Variants in DCC observed in about 807,000 individuals in gnomAD.
DCC encodes netrin receptor DCC.
A neutral mutation model predicts 172.5 loss-of-function variants in DCC; 58 were observed. That is an observed-to-expected ratio of 0.34 (90% CI 0.27 to 0.42). The LOEUF is 0.42. Among genes scored for constraint, DCC ranks in the 10% least tolerant of loss-of-function variants. The probability of loss-of-function intolerance (pLI) is 1.00; values close to 1 mark genes in which losing one functional copy is unlikely to be tolerated. For synonymous variants in DCC, 709 were observed against 644.5 expected (o/e 1.10, Z -1.52); for missense variants, 1,740 against 1,791.0 (o/e 0.97, Z 0.51).
intron 26 of DCC, among the ~76,000 whole-genome samples, chr18:53,494,807 G>C (rs1371396597): frequency 1.3e-5 from 2 of 152,102 alleles, no homozygotes; most frequent in African/African-American, 4.8e-5. Context: ...TTGCACTTAA[G>C]GTTAATATTG....
intron 12 of DCC, among the ~76,000 whole-genome samples, chr18:53,271,503 A>G (rs2056748865): frequency 1.3e-5 from 2 of 152,130 alleles, no homozygotes; most frequent in Admixed American, 6.6e-5. Context: ...TGACTGGGGA[A>G]GGTCTGCTTC....
intron 5 of DCC, among the ~76,000 whole-genome samples, chr18:52,961,847 A>T (rs1568213223): frequency 6.6e-6 from 1 of 152,166 alleles, no homozygotes; most frequent in African/African-American, 2.4e-5. Flanking sequence ...GAGAAAAACA[A>T]GCAATGGGGA....
chr18:53,499,409 G>T lies in DCC; in HGVS notation c.4010G>T (p.Arg1337Leu). ...PSRTIPTACV[R>L]PTHPLRSFAN... ...AGAACCATCCCCACAGCTTGTGTTC[G>T]ACCAACTCACCCACTCCGCAGCTTT... Residue 1337 changes from arginine (R) to leucine (L), a missense_variant, in exon 27 of 29, where the codon CGA (arginine) becomes CTA (leucine). Physicochemically the swap from Arg to Leu is moderately radical, Grantham distance 102 (BLOSUM62 -2). Coordinates refer to ENST00000442544, the MANE Select transcript of DCC (RefSeq NM_005215.4). 6.2e-7 allele frequency: 1 copy of T among 1,614,006 alleles called. No homozygotes were observed. Among genetic ancestry groups the T allele is most frequent in the African/African-American group, 1.3e-5 (1 of 74,994 alleles).
intron 9 of DCC, among the ~76,000 whole-genome samples, chr18:53,190,845 C>T (rs1401457226): frequency 6.6e-6 from 1 of 152,082 alleles, no homozygotes; most frequent in Non-Finnish European, 1.5e-5. Context: ...ACTGGGGAGG[C>T]CAAGGCAGGA....
chr18:52,673,832 T>A (rs1260696224), intron 1 of DCC, among the ~76,000 whole-genome samples: 2 of 152,194 alleles, frequency 1.3e-5, no homozygotes, highest in African/African-American at 4.8e-5. Flanking sequence ...TCTTCTACCT[T>A]AGGGTTACTC....
At chr18:53,512,201 A>G (rs1222424278) in intron 27 of DCC, among the ~76,000 whole-genome samples, 1 of 152,000 alleles carries the variant, frequency 6.6e-6, no homozygotes, top group Non-Finnish European at 1.5e-5. Context: ...GCAGGAGCAC[A>G]CTGACACCTC....
intron 5 of DCC, among the ~76,000 whole-genome samples, chr18:53,059,553 A>C (rs2042464486): frequency 6.6e-6 from 1 of 152,114 alleles, no homozygotes; most frequent in Admixed American, 6.6e-5. Context: ...ATGTTATGTA[A>C]GTATTTTAAT....
intron 2 of DCC, among the ~76,000 whole-genome samples, chr18:52,789,134 C>A (rs940331858): frequency 6.6e-6 from 1 of 152,088 alleles, no homozygotes. Context: ...TATCATGATG[C>A]GAGGTAATTT....
intron 1 of DCC, among the ~76,000 whole-genome samples, chr18:52,531,050 C>T (rs1370608505): frequency 6.6e-6 from 1 of 152,164 alleles, no homozygotes; most frequent in Non-Finnish European, 1.5e-5. Flanking sequence ...CTGCACAGTT[C>T]CTGTTAATTT....
chr18:53,094,093 C>T (rs1414742278), intron 7 of DCC, among the ~76,000 whole-genome samples: 1 of 152,154 alleles, frequency 6.6e-6, no homozygotes, highest in Admixed American at 6.6e-5. Context: ...ATTATGATTT[C>T]CTTATTAACC....
intron 5 of DCC, among the ~76,000 whole-genome samples, chr18:53,036,408 G>A (rs2042092818): frequency 6.6e-6 from 1 of 151,988 alleles, no homozygotes; most frequent in Non-Finnish European, 1.5e-5. Context: ...GAACCAACAA[G>A]TGAAGGAATA....
In DCC at chr18:53,328,628, G is replaced by A. The variant is rs556443927; in HGVS notation, c.2164+6471G>A. On this transcript the variant is annotated intron_variant, in intron 14 of 28. Coordinates refer to ENST00000442544, the MANE Select transcript of DCC (RefSeq NM_005215.4). ...CGGCTCACTGCAACTTTCACCTCTC[G>A]GGTTCAAGTGATTCTCCTGCCTCAG... 5.3e-5 allele frequency among the ~76,000 whole-genome samples: 8 copies of A among 151,614 alleles called. No homozygotes were observed. In the East Asian group the frequency reaches 7.8e-4, roughly 15 times the overall value.
intron 1 of DCC, among the ~76,000 whole-genome samples, chr18:52,729,733 T>A (rs949608961): frequency 6.6e-6 from 1 of 152,236 alleles, no homozygotes; most frequent in African/African-American, 2.4e-5. Context: ...AATGGAGAGC[T>A]GTGGCCCACA....
At chr18:53,248,840 A>G (rs1283326116) in intron 12 of DCC, among the ~76,000 whole-genome samples, 1 of 152,082 alleles carries the variant, frequency 6.6e-6, no homozygotes, top group African/African-American at 2.4e-5. Context: ...TCTCGTCAGT[A>G]CATAAACACA....
intron 1 of DCC, among the ~76,000 whole-genome samples, chr18:52,659,865 A>G (rs1245914515): frequency 2.0e-5 from 3 of 152,022 alleles, no homozygotes; most frequent in African/African-American, 7.3e-5. Flanking sequence ...CAGACGAGGG[A>G]ATGCTGATGT....
chr18:52,415,127 AT>A, intron 1 of DCC, among the ~76,000 whole-genome samples: 1 of 152,174 alleles, frequency 6.6e-6, no homozygotes, highest in South Asian at 2.1e-4. Flanking sequence ...TAAAAATGAC[AT>A]TTTTTATACC....
intron 1 of DCC, among the ~76,000 whole-genome samples, chr18:52,525,530 A>G (rs1043929453): frequency 6.6e-6 from 1 of 152,234 alleles, no homozygotes; most frequent in Non-Finnish European, 1.5e-5. Context: ...TTGAACTGCA[A>G]TGGTTGGGAT....
intron 1 of DCC, among the ~76,000 whole-genome samples, chr18:52,502,416 A>T (rs888097087): frequency 1.3e-5 from 2 of 152,172 alleles, no homozygotes; most frequent in Admixed American, 1.3e-4. Context: ...GCATCTTCAA[A>T]TATCTTTGAT....
At chr18:53,220,164 G>T (rs1212185733) in intron 12 of DCC, among the ~76,000 whole-genome samples, 1 of 152,128 alleles carries the variant, frequency 6.6e-6, no homozygotes, top group Admixed American at 6.6e-5. Context: ...ATATTAAATT[G>T]CAGATCCTCT....
Sources: allele counts gnomAD v4.1 joint callset (sites outside exome capture counted in the v4.1 genomes callset), GRCh38; gene constraint gnomAD v4.1.1; transcripts MANE v1.5; gene names NCBI Gene and HGNC (gene_info 2026-07-23, HGNC 2026-07-21).